Variants in CDH19 observed in about 807,000 individuals in gnomAD.
The protein encoded by CDH19 is cadherin 19.
CDH19 carries 67 observed loss-of-function variants against 64.2 expected under a neutral mutation model. That is an observed-to-expected ratio of 1.04 (90% confidence interval 0.86 to 1.28). The LOEUF (loss-of-function observed/expected upper bound fraction) is 1.28. Ranked by LOEUF, CDH19 falls within the 50% of genes most tolerant of loss-of-function variation. The probability of loss-of-function intolerance (pLI) is 0.00; values close to 1 mark genes in which losing one functional copy is unlikely to be tolerated. For missense variants in CDH19, 1,030 were observed against 929.0 expected (o/e 1.11, Z -1.41); for synonymous variants, 346 against 319.3 (o/e 1.08, Z -0.89).
intron 8 of CDH19, chr18:66,532,455 ATT>A (rs1237254081): frequency 6.0e-6 from 1 of 166,372 alleles, no homozygotes; most frequent in African/African-American, 2.5e-5. Context: ...AAGGGAAAAT[ATT>A]TTTTCTTTCC....
intron 8 of CDH19, 108 bp from the exon 9 acceptor site, chr18:66,530,074 T>C (rs915573886): frequency 6.4e-6 from 3 of 469,734 alleles, no homozygotes; most frequent in Non-Finnish European, 1.1e-5. Flanking sequence ...TTATTTTACT[T>C]GAAAAAAGCA....
chr18:66,516,306 G>A (rs916334802), intron 9 of CDH19, among the ~76,000 whole-genome samples: 2 of 151,990 alleles, frequency 1.3e-5, no homozygotes, highest in Middle Eastern at 3.4e-3. Flanking sequence ...AATCTAGTCC[G>A]CAAGCTATTG....
At chr18:66,590,426 T>C (rs1250171862) in intron 1 of CDH19, among the ~76,000 whole-genome samples, 1 of 151,892 alleles carries the variant, frequency 6.6e-6, no homozygotes, top group African/African-American at 2.4e-5. Flanking sequence ...ATAAAGCAAT[T>C]GGTGGGATTG....
At chr18:66,530,670 A>T (rs1287767535) in intron 8 of CDH19, among the ~76,000 whole-genome samples, 1 of 152,092 alleles carries the variant, frequency 6.6e-6, no homozygotes, top group Non-Finnish European at 1.5e-5. Flanking sequence ...GACATTTCAG[A>T]AAAAAGTATG....
chr18:66,511,882 G>A (rs1985509898), intron 9 of CDH19, among the ~76,000 whole-genome samples, 197 bp from the exon 10 acceptor site: 1 of 151,398 alleles, frequency 6.6e-6, no homozygotes, highest in Non-Finnish European at 1.5e-5. Context: ...TTTTTTCAAA[G>A]AGTGTTGTAA....
In CDH19 at chr18:66,571,480, C is replaced by T. The variant is rs115200407; in HGVS notation, c.195+530G>A. Among the ~76,000 whole-genome samples, 441 of 151,678 alleles carry T rather than the reference C, an allele frequency of 2.9e-3. 1 individual carries two copies. The highest frequency in any genetic ancestry group is 0.01 in the African/African-American group (427 of 41,496). ...AAAACATAAATAGGAGATGCTTTGT[C>T]TCATTAAGGAATTGTTCTTAAAATA... On this transcript the variant is annotated intron_variant, in intron 2 of 11. Transcript: ENST00000262150.
chr18:66,600,321 A>G (rs1989007012), intron 1 of CDH19, among the ~76,000 whole-genome samples: 1 of 151,830 alleles, frequency 6.6e-6, no homozygotes, highest in South Asian at 2.1e-4. Context: ...TGGCAACCCT[A>G]AAGTTCTAAT....
In CDH19 at chr18:66,568,799, T is replaced by G. The variant is rs1394500896; in HGVS notation, c.196-89A>C. ...ATTTTCTTTTTATGTATGTTAATTA[T>G]TCCCCAAGTTAATGATTTTATATTA... On this transcript the variant is annotated intron_variant, in intron 2 of 11. Coordinates refer to ENST00000262150, the MANE Select transcript of CDH19 (RefSeq NM_021153.4). The G allele has an allele frequency of 1.1e-5, 11 of 1,003,910 alleles. No homozygotes were observed. The Admixed American group carries it at 1.6e-4, about 15-fold the overall frequency. 62.2% of individuals were successfully genotyped at this position (1,003,910 alleles called of 1,614,324 possible).
Position 66,504,768 on chromosome 18 carries a change from C to A in CDH19, c.*44G>T. The A allele has an allele frequency of 1.3e-6, 2 of 1,541,986 alleles. No individual in the cohort carries two copies. Among genetic ancestry groups the A allele is most frequent in the South Asian group, 2.5e-5 (2 of 80,100 alleles). On this transcript the variant is annotated 3_prime_UTR_variant, in exon 12 of 12. Coordinates refer to ENST00000262150, the MANE Select transcript of CDH19 (RefSeq NM_021153.4). Reference sequence around the variant, plus strand: ...AACTCTTTAAGACTACCATTGGGTTCGAATACACATTAGCACTTTTAAAAA... The same window carrying A: ...AACTCTTTAAGACTACCATTGGGTTAGAATACACATTAGCACTTTTAAAAA...
rs749889296 is a variant in CDH19 at position 66,509,205 on chromosome 18, G to A, written c.1618C>T (p.Leu540Phe). ...VILTNRTGFNLQEEPVFYISI... is the reference protein window; with the variant it reads ...VILTNRTGFNFQEEPVFYISI... The stretch of plus-strand genomic sequence containing the variant: ...ATGTAGAAGACAGGTTCTTCTTGAA[G>A]GTTAAAACCAGTTCTATTAGTCAAA... Residue 540 changes from leucine to phenylalanine, a missense_variant, in exon 11 of 12, where the codon CTT becomes TTT. Physicochemically the swap from Leu to Phe is conservative, Grantham distance 22. Coordinates refer to ENST00000262150, the MANE Select transcript of CDH19 (RefSeq NM_021153.4). The A allele has an allele frequency of 3.1e-6, 5 of 1,612,450 alleles. No homozygotes were observed. In the Admixed American group the frequency reaches 6.7e-5, roughly 22 times the overall value.
chr18:66,557,413 T>G (rs930364994), intron 3 of CDH19, among the ~76,000 whole-genome samples: 1 of 152,038 alleles, frequency 6.6e-6, no homozygotes, highest in African/African-American at 2.4e-5. Context: ...GTGGAGAATC[T>G]AATGTATTCT....
intron 1 of CDH19, among the ~76,000 whole-genome samples, chr18:66,577,675 G>C (rs1988305610): frequency 6.6e-6 from 1 of 151,858 alleles, no homozygotes; most frequent in Admixed American, 6.6e-5. Context: ...TATCAAAATG[G>C]AGATAATCTC....
chr18:66,527,590 T>C (rs1027033620), intron 9 of CDH19, among the ~76,000 whole-genome samples: 1 of 151,860 alleles, frequency 6.6e-6, no homozygotes, highest in Admixed American at 6.6e-5. Flanking sequence ...CTACTAAAAA[T>C]ACAAAAAAAT....
intron 9 of CDH19, among the ~76,000 whole-genome samples, chr18:66,520,057 C>A (rs753720289): frequency 5.1e-4 from 78 of 152,118 alleles, no homozygotes; most frequent in Non-Finnish European, 7.9e-4. Flanking sequence ...TGGTGGCATG[C>A]ACCTGTAGTC....
intron 5 of CDH19, among the ~76,000 whole-genome samples, chr18:66,545,318 C>G (rs990107336): frequency 2.0e-5 from 3 of 151,848 alleles, no homozygotes; most frequent in African/African-American, 7.3e-5. Flanking sequence ...TAGGGAATCC[C>G]GTATCTACCT....
Position 66,544,048 on chromosome 18 carries a change from A to C in CDH19, c.1137T>G (p.Val379=). 1 of 1,613,850 alleles carries C rather than the reference A, an allele frequency of 6.2e-7. No individual in the cohort carries two copies. The highest frequency in any genetic ancestry group is 1.3e-5 in the African/African-American group (1 of 75,010). ...LFLLPYYVFE[V]FEETPQGSFV... ...ATGATCCCTGTGGGGTTTCTTCAAA[A>C]ACTTCAAATACATAATATGGAAGGA... Residue 379 remains valine (V), a synonymous_variant, in exon 7 of 12, where the codon GTT becomes GTG. Coordinates refer to ENST00000262150, the MANE Select transcript of CDH19 (RefSeq NM_021153.4).
In CDH19 at chr18:66,542,748, T is replaced by C. The variant is rs1020864556; in HGVS notation, c.1214+1223A>G. Reference sequence around the variant, plus strand: ...CTTACTGTCTGAGCTCCGCCTCTTCTCATATCCACGGCAGCATTAGATTGT... The same window carrying C: ...CTTACTGTCTGAGCTCCGCCTCTTCCCATATCCACGGCAGCATTAGATTGT... On this transcript the variant is annotated intron_variant, in intron 7 of 11. Coordinates refer to ENST00000262150, the MANE Select transcript of CDH19 (RefSeq NM_021153.4). Among the ~76,000 whole-genome samples, 7 of 152,010 alleles carry C rather than the reference T, an allele frequency of 4.6e-5. No homozygotes were observed. The Admixed American group carries it at 4.6e-4, about 10-fold the overall frequency.
intron 3 of CDH19, among the ~76,000 whole-genome samples, chr18:66,564,005 T>A (rs1987815756): frequency 6.6e-6 from 1 of 151,914 alleles, no homozygotes; most frequent in Non-Finnish European, 1.5e-5. Flanking sequence ...TCAGTCATGT[T>A]CAACTCATGT....
At chr18:66,569,806 G>A (rs1395365302) in intron 2 of CDH19, among the ~76,000 whole-genome samples, 1 of 151,624 alleles carries the variant, frequency 6.6e-6, no homozygotes, top group African/African-American at 2.4e-5. Context: ...TTCACAGTAA[G>A]AGTTCCTCTG....
Sources: allele counts gnomAD v4.1 joint callset (sites outside exome capture counted in the v4.1 genomes callset), GRCh38; gene constraint gnomAD v4.1.1; transcripts MANE v1.5; gene names NCBI Gene and HGNC (gene_info 2026-07-23, HGNC 2026-07-21).